Variants in ALDH8A1 observed in about 807,000 individuals in gnomAD.
ALDH8A1 encodes 2-aminomuconic semialdehyde dehydrogenase.
ALDH8A1 carries 39 observed loss-of-function variants against 43.3 expected under a neutral mutation model. That is an observed-to-expected ratio of 0.90 (90% CI 0.70 to 1.18). ALDH8A1 has a LOEUF of 1.18. ALDH8A1 is among the 50% of genes most tolerant of loss of function. The pLI, the probability that ALDH8A1 is intolerant of heterozygous loss-of-function variation, is 0.00. For synonymous variants in ALDH8A1, 233 were observed against 243.5 expected (o/e 0.96, Z 0.40); for missense variants, 605 against 622.6 (o/e 0.97, Z 0.30).
At chr6:134,935,910 G>C (rs1300398708) in intron 4 of ALDH8A1, among the ~76,000 whole-genome samples, 2 of 151,706 alleles carry the variant, frequency 1.3e-5, no homozygotes, top group Admixed American at 6.6e-5. Flanking sequence ...AGACAGGTGG[G>C]AAGATTCCAC....
At chr6:134,946,786 G>GCGCACAGGTGCGCATGTGTGCGCGCA (rs1562261623) in intron 1 of ALDH8A1, among the ~76,000 whole-genome samples, 70 of 150,150 alleles carry the variant, frequency 4.7e-4, no homozygotes, top group East Asian at 3.3e-3. Context: ...GTGTGCGCGC[G>GCGCACAGGTGCGCATGTGTGCGCGCA]CGCACAGGTG....
chr6:134,926,312 G>A (rs559611384), intron 6 of ALDH8A1, among the ~76,000 whole-genome samples: 2 of 146,658 alleles, frequency 1.4e-5, no homozygotes, highest in African/African-American at 2.5e-5. Context: ...CAATTCTCCT[G>A]CCTCTGCCTC....
intron 6 of ALDH8A1, among the ~76,000 whole-genome samples, chr6:134,927,464 T>C (rs112779060): frequency 2.7e-3 from 404 of 152,188 alleles, no homozygotes; most frequent in Non-Finnish European, 4.3e-3. Context: ...TGAGTCAAAG[T>C]GTGGCATCAA....
intron 2 of ALDH8A1, 50 bp from the exon 3 acceptor site, chr6:134,942,614 A>G (rs1403106180): frequency 4.5e-6 from 7 of 1,560,784 alleles, no homozygotes; most frequent in African/African-American, 4.1e-5. Flanking sequence ...GGGACACTCT[A>G]TCCATCAGCT....
chr6:134,938,868 C>T (rs1162871417), intron 4 of ALDH8A1, among the ~76,000 whole-genome samples: 2 of 152,040 alleles, frequency 1.3e-5, no homozygotes, highest in African/African-American at 4.8e-5. Context: ...AGGATGGTCT[C>T]GATCTCCTGA....
At position 134,932,939 on chromosome 6, in the gene ALDH8A1, A is replaced by G; in HGVS notation, c.686T>C (p.Phe229Ser). 1 of 1,614,084 alleles carries G rather than the reference A, an allele frequency of 6.2e-7. No individual in the cohort carries two copies. Among genetic ancestry groups the G allele is most frequent in the Non-Finnish European group, 8.5e-7 (1 of 1,180,004 alleles). The change falls in exon 5 of 7, where the codon TTC becomes TCC. Residue 229 changes from phenylalanine to serine, a missense_variant. Phe to Ser is a radical substitution (Grantham distance 155). Coordinates refer to ENST00000265605, the MANE Select transcript of ALDH8A1 (RefSeq NM_022568.4). ...VSHPEVPLIS[F>S]TGSQPTAERI... ...CTCAGCGGTGGGCTGGCTCCCGGTG[A>G]AGGAGATCAGGGGCACCTCTGGGTG...
chr6:134,929,494 G>A (rs549806726), intron 5 of ALDH8A1, among the ~76,000 whole-genome samples: 1 of 152,340 alleles, frequency 6.6e-6, no homozygotes, highest in Non-Finnish European at 1.5e-5. Context: ...GATTGCATGG[G>A]GAGGGGAGCT....
At chr6:134,943,026 C>T (rs550204452) in intron 2 of ALDH8A1, among the ~76,000 whole-genome samples, 3 of 152,316 alleles carry the variant, frequency 2.0e-5, no homozygotes, top group African/African-American at 4.8e-5. Flanking sequence ...AGAAGAGCGG[C>T]TGGGAATGCC....
chr6:134,931,337 C>T (rs947714960), intron 5 of ALDH8A1, among the ~76,000 whole-genome samples: 1 of 152,184 alleles, frequency 6.6e-6, no homozygotes, highest in African/African-American at 2.4e-5. Flanking sequence ...TAACTCGGCA[C>T]ACTGCAACCT....
intron 1 of ALDH8A1, among the ~76,000 whole-genome samples, chr6:134,947,248 T>C (rs1214410970): frequency 6.6e-6 from 1 of 152,180 alleles, no homozygotes; most frequent in Non-Finnish European, 1.5e-5. Context: ...CTTAGATAGA[T>C]GTAAGACCCA....
At chr6:134,929,967 G>C (rs373258585) in intron 5 of ALDH8A1, among the ~76,000 whole-genome samples, 1 of 152,220 alleles carries the variant, frequency 6.6e-6, no homozygotes, top group Non-Finnish European at 1.5e-5. Context: ...GTCCAGATGC[G>C]TGTAGGTAGC....
chr6:134,918,669 T>C lies in ALDH8A1; in HGVS notation c.1210A>G (p.Ser404Gly). The C allele has an allele frequency of 6.2e-6, 10 of 1,614,184 alleles. No homozygotes were observed. The highest frequency in any genetic ancestry group is 1.1e-5 in the South Asian group (1 of 91,078). The stretch of plus-strand genomic sequence containing the variant: ...GCTCTTTCAATCACCTCCTCTTCAC[T>C]ATCAAAGGGGACGACACACGTCACT... ...GPVTCVVPFD[S>G]EEEVIERANN... Residue 404 changes from serine (S) to glycine (G), a missense_variant, in exon 7 of 7, where the codon AGT becomes GGT. Ser to Gly is a moderately conservative substitution (Grantham distance 56, BLOSUM62 0). Coordinates refer to ENST00000265605, the MANE Select transcript of ALDH8A1 (RefSeq NM_022568.4).
At chr6:134,949,105 G>A (rs1177948402) in intron 1 of ALDH8A1, among the ~76,000 whole-genome samples, 3 of 151,952 alleles carry the variant, frequency 2.0e-5, no homozygotes, top group African/African-American at 7.3e-5. Context: ...ATTTTTATAG[G>A]AAGACTATAT....
rs1774015914 is a variant in ALDH8A1, at chr6:134,949,948, A to G, written c.106T>C (p.Tyr36His). The change falls in exon 1 of 7, where the codon TAT becomes CAT. Residue 36 changes from tyrosine (Y) to histidine (H), a missense_variant. By Grantham distance (83) the Tyr-to-His change is moderately conservative. Coordinates refer to ENST00000265605, the MANE Select transcript of ALDH8A1 (RefSeq NM_022568.4). ...DSYDPSTGEV[Y>H]CRVPNSGKDE... ...TTTCCACTATTTGGCACTCTGCAAT[A>G]CACTTCCCCTGTTGATGGGTCGTAA... is the stretch of plus-strand genomic sequence containing the variant. The G allele has an allele frequency of 1.2e-6, 2 of 1,611,798 alleles. No homozygotes were observed. Among genetic ancestry groups the G allele is most frequent in the Non-Finnish European group, 1.7e-6 (2 of 1,178,928 alleles).
At chr6:134,934,506 G>A (rs891271284) in intron 4 of ALDH8A1, among the ~76,000 whole-genome samples, 19 of 152,098 alleles carry the variant, frequency 1.2e-4, no homozygotes, top group African/African-American at 4.3e-4. Flanking sequence ...CTGACTTCCC[G>A]AGGATACGTA....
intron 4 of ALDH8A1, among the ~76,000 whole-genome samples, chr6:134,936,670 C>A (rs1480551348): frequency 6.6e-6 from 1 of 152,188 alleles, no homozygotes; most frequent in South Asian, 2.1e-4. Context: ...CAGTAAAATG[C>A]GCTCACTGCG....
At chr6:134,945,748 C>T (rs542392462) in intron 1 of ALDH8A1, among the ~76,000 whole-genome samples, 5 of 152,130 alleles carry the variant, frequency 3.3e-5, no homozygotes, top group Admixed American at 1.3e-4. Context: ...GTAATCTAGC[C>T]GCCTGAGCCT....
At chr6:134,935,169 A>G (rs1773709538) in intron 4 of ALDH8A1, among the ~76,000 whole-genome samples, 1 of 152,198 alleles carries the variant, frequency 6.6e-6, no homozygotes, top group South Asian at 2.1e-4. Context: ...CCTCCTTTCC[A>G]AATGCATGAA....
In ALDH8A1 at chr6:134,949,963, A is replaced by C; in HGVS notation, c.91T>G (p.Ser31Ala). The C allele has an allele frequency of 1.2e-6, 2 of 1,612,576 alleles. No homozygotes were observed. The highest frequency in any genetic ancestry group is 1.7e-6 in the Non-Finnish European group (2 of 1,179,332). Residue 31 changes from serine to alanine, a missense_variant, in exon 1 of 7, where the codon TCA becomes GCA. By Grantham distance (99) the Ser-to-Ala change is moderately conservative. Transcript: ENST00000265605. ...CSSYIDSYDP[S>A]TGEVYCRVPN... ...ACTCTGCAATACACTTCCCCTGTTG[A>C]TGGGTCGTAAGAATCTATATATGAG...
Sources: allele counts gnomAD v4.1 joint callset (sites outside exome capture counted in the v4.1 genomes callset), GRCh38; gene constraint gnomAD v4.1.1; transcripts MANE v1.5; gene names NCBI Gene and HGNC (gene_info 2026-07-23, HGNC 2026-07-21).